ARID4A: variants seen among roughly 807,000 people sequenced by gnomAD.
The protein encoded by ARID4A is AT-rich interaction domain 4A.
A neutral mutation model predicts 148.6 loss-of-function variants in ARID4A; 39 were observed. That is an observed-to-expected ratio of 0.26 (90% CI 0.20 to 0.34). ARID4A has a LOEUF of 0.34. Among genes scored for constraint, ARID4A ranks in the 10% least tolerant of loss-of-function variants. ARID4A has a pLI of 1.00. For synonymous variants in ARID4A, 475 were observed against 481.2 expected, an observed-to-expected ratio of 0.99 and a Z score of 0.17; for missense variants, 1,265 against 1,449.1, an observed-to-expected ratio of 0.87 and a Z score of 2.06.
chr14:58,342,436 T>C (rs551825825), intron 11 of ARID4A, among the ~76,000 whole-genome samples: 13 of 152,338 alleles, frequency 8.5e-5, no homozygotes, highest in African/African-American at 3.1e-4. Flanking sequence ...TCAAATTTTA[T>C]CTATAAAAAT....
intron 15 of ARID4A, among the ~76,000 whole-genome samples, chr14:58,348,510 G>A (rs1025860740): frequency 2.0e-5 from 3 of 152,094 alleles, no homozygotes; most frequent in Non-Finnish European, 4.4e-5. Context: ...ATGCGTACAT[G>A]TATGCTGGTT....
Position 58,364,177 on chromosome 14 carries a change from T to G in ARID4A, c.2088T>G (p.Cys696Trp). 7.2e-7 allele frequency: 1 copy of G among 1,384,214 alleles called. No homozygotes were observed. The highest frequency in any genetic ancestry group is 9.6e-7 in the Non-Finnish European group (1 of 1,043,832). 85.7% of individuals were successfully genotyped at this position (1,384,214 alleles called of 1,614,324 possible). The part of the protein sequence containing the change: ...TANSEGKSDS[C>W]SSDSETEDAL... ...TAATATTTCCTCTTACAGACTCTTG[T>G]TCATCTGATAGTGAAACAGAAGATG... is the stretch of plus-strand genomic sequence containing the variant. Residue 696 changes from cysteine to tryptophan, a missense_variant, in exon 20 of 24, where the codon TGT (cysteine) becomes TGG (tryptophan). Physicochemically the swap from Cys to Trp is radical, Grantham distance 215. Coordinates refer to ENST00000355431, the MANE Select transcript of ARID4A (RefSeq NM_002892.4).
intron 18 of ARID4A, among the ~76,000 whole-genome samples, chr14:58,359,649 A>T (rs1371660854): frequency 6.6e-6 from 1 of 151,972 alleles, no homozygotes; most frequent in African/African-American, 2.4e-5. Context: ...CTCTCTCCAT[A>T]GTTTTTGCCT....
intron 2 of ARID4A, among the ~76,000 whole-genome samples, chr14:58,300,941 AG>A (rs1361038319): frequency 6.6e-6 from 1 of 152,170 alleles, no homozygotes; most frequent in Non-Finnish European, 1.5e-5. Context: ...TGCTGAAAGT[AG>A]ATGTTTCTTA....
At chr14:58,317,206 A>C (rs2140159322) in intron 5 of ARID4A, among the ~76,000 whole-genome samples, 1 of 150,996 alleles carries the variant, frequency 6.6e-6, no homozygotes, top group South Asian at 2.1e-4. Flanking sequence ...AAAAAAAAAA[A>C]AAGTAGTAAA....
At chr14:58,350,950 G>A in intron 15 of ARID4A, 123 bp from the exon 16 acceptor site, 1 of 867,404 alleles carries the variant, frequency 1.2e-6, no homozygotes, top group Non-Finnish European at 1.7e-6. Flanking sequence ...CCTTTGAGTT[G>A]GTTTTCAGGG....
At chr14:58,334,279 T>G (rs1390678413) in intron 11 of ARID4A, among the ~76,000 whole-genome samples, 1 of 152,210 alleles carries the variant, frequency 6.6e-6, no homozygotes, top group Non-Finnish European at 1.5e-5. Flanking sequence ...AATGACATCT[T>G]GATGATTAAA....
intron 7 of ARID4A, among the ~76,000 whole-genome samples, chr14:58,319,146 G>A (rs1034540962): frequency 5.3e-5 from 8 of 152,132 alleles, no homozygotes; most frequent in Admixed American, 4.6e-4. Context: ...TGCAACCTCC[G>A]CCTCCTGGGT....
intron 5 of ARID4A, among the ~76,000 whole-genome samples, chr14:58,314,433 A>G (rs1157237981): frequency 6.6e-6 from 1 of 152,164 alleles, no homozygotes; most frequent in Admixed American, 6.5e-5. Context: ...TTTATAAAAA[A>G]CATAGAAATA....
At chr14:58,328,353 G>GAA in intron 9 of ARID4A, 37 bp downstream of exon 9, 15 of 1,211,554 alleles carry the variant, frequency 1.2e-5, no homozygotes, top group South Asian at 4.4e-5. Flanking sequence ...TACGTGGGAG[G>GAA]AAAAAAAAAA....
chr14:58,348,423 C>T (rs530981514), intron 15 of ARID4A, among the ~76,000 whole-genome samples: 1 of 152,154 alleles, frequency 6.6e-6, no homozygotes, highest in Non-Finnish European at 1.5e-5. Context: ...AATGAATCAC[C>T]TCTTTATAGT....
At chr14:58,369,941 A>AG (rs1223912003) in intron 23 of ARID4A, 2 of 152,328 alleles carry the variant, frequency 1.3e-5, no homozygotes, top group Non-Finnish European at 2.9e-5. Flanking sequence ...ACCAAATAAA[A>AG]GGTAAATTAC....
chr14:58,304,892 ATG>A (rs1263789411), intron 3 of ARID4A, 50 bp from the exon 4 acceptor site: 15 of 1,407,792 alleles, frequency 1.1e-5, no homozygotes, highest in Middle Eastern at 4.8e-4. Context: ...GTTACTATAA[ATG>A]TATTTGTTTT....
At chr14:58,301,469 G>A (rs2031163042) in intron 2 of ARID4A, 111 bp from the exon 3 acceptor site, 1 of 628,118 alleles carries the variant, frequency 1.6e-6, no homozygotes, top group Non-Finnish European at 2.6e-6. Context: ...ATATTAATAA[G>A]CAAGTCATTT....
intron 20 of ARID4A, 29 bp from the exon 21 acceptor site, chr14:58,365,489 T>TTAA: frequency 3.0e-6 from 3 of 985,674 alleles, no homozygotes; most frequent in Non-Finnish European, 4.3e-6. Flanking sequence ...TTTTTTTTTT[T>TTAA]CAACATTCTC....
chr14:58,328,353 GAAA>G, intron 9 of ARID4A, 37 bp downstream of exon 9: 1 of 1,211,784 alleles, frequency 8.3e-7, no homozygotes. Context: ...TACGTGGGAG[GAAA>G]AAAAAAATAG....
chr14:58,347,005 A>G lies in ARID4A; in HGVS notation c.1075-15A>G. On this transcript the variant is annotated splice_polypyrimidine_tract_variant and intron_variant, in intron 13 of 23. Transcript: ENST00000355431. ...TTCCCTTTGCAAATGTTAACATAAA[A>G]ACTTAATTTTCCAGATTGATAGTGG... The G allele has an allele frequency of 8.0e-7, 1 of 1,253,248 alleles. No individual in the cohort carries two copies. The highest frequency in any genetic ancestry group is 1.1e-6 in the Non-Finnish European group (1 of 922,134). 77.6% of individuals were successfully genotyped at this position (1,253,248 alleles called of 1,614,324 possible). A position where few individuals can be genotyped will look rare whatever the true frequency, so the allele number is the denominator to read the frequency against.
intron 5 of ARID4A, among the ~76,000 whole-genome samples, chr14:58,314,807 T>C (rs2032295022): frequency 6.6e-6 from 1 of 152,120 alleles, no homozygotes; most frequent in East Asian, 1.9e-4. Context: ...AACATACATT[T>C]GTATAATTTT....
intron 1 of ARID4A, 28 bp from the exon 2 acceptor site, chr14:58,299,770 C>T (rs1044778304): frequency 6.3e-6 from 10 of 1,586,560 alleles, no homozygotes; most frequent in Non-Finnish European, 8.6e-6. Flanking sequence ...CTGATTATGT[C>T]TGTGCCTGTC....
Sources: allele counts gnomAD v4.1 joint callset (sites outside exome capture counted in the v4.1 genomes callset), GRCh38; gene constraint gnomAD v4.1.1; transcripts MANE v1.5; gene names NCBI Gene and HGNC (gene_info 2026-07-23, HGNC 2026-07-21).